The following FAM20B variants were observed in gnomAD, a reference collection of about 807,000 sequenced individuals.
FAM20B encodes the protein glycosaminoglycan xylosylkinase.
Under a neutral mutation model 43.8 loss-of-function variants are expected in FAM20B, and 23 were observed. That is an observed-to-expected ratio of 0.53 (90% CI 0.38 to 0.74). The LOEUF (loss-of-function observed/expected upper bound fraction) is 0.74, where lower values mean the gene tolerates loss of function less well. Ranked by LOEUF, FAM20B falls within the 30% of genes least tolerant of loss-of-function variation. FAM20B has a pLI of 0.00. For missense variants in FAM20B, 440 were observed against 510.5 expected (o/e 0.86, Z 1.33); for synonymous variants, 178 against 192.4 (o/e 0.93, Z 0.62).
intron 7 of FAM20B, among the ~76,000 whole-genome samples, chr1:179,070,809 G>A (rs1027758286): frequency 2.0e-5 from 3 of 151,416 alleles, no homozygotes; most frequent in Admixed American, 6.6e-5. Context: ...GTGAGCCACC[G>A]CTCCTGGCCT....
At chr1:179,062,659 AAAACAAAAAAC>A (rs992853318) in intron 4 of FAM20B, among the ~76,000 whole-genome samples, 5 of 152,014 alleles carry the variant, frequency 3.3e-5, no homozygotes, top group African/African-American at 1.2e-4. Flanking sequence ...CAAAAAAAGA[AAAACAAAAAAC>A]AAACAAAAAA....
rs1365674518 is a variant in FAM20B, at chr1:179,074,277, C to T, written c.*2133C>T. The T allele has an allele frequency of 6.6e-6, 1 of 152,634 alleles. No individual in the cohort carries two copies. The highest frequency in any genetic ancestry group is 2.1e-4 in the South Asian group (1 of 4,830). 9.5% of individuals were successfully genotyped at this position (152,634 alleles called of 1,614,324 possible). A position where few individuals can be genotyped will look rare whatever the true frequency, so the allele number is the denominator to read the frequency against. On this transcript the variant is annotated 3_prime_UTR_variant, in exon 8 of 8. Transcript: ENST00000263733. ...TGTTAACCAAAGGAGGCATTGATTT[C>T]AGTTTTAAGGCTACTCAGTGTTGTG...
Position 179,075,358 on chromosome 1 carries a change from C to T in FAM20B, c.*3214C>T, listed in dbSNP as rs1053939636. 50 of 152,252 alleles carry T rather than the reference C, an allele frequency of 3.3e-4. No individual in the cohort carries two copies. The highest frequency in any genetic ancestry group is 1.2e-3 in the African/African-American group (50 of 41,538). 9.4% of individuals were successfully genotyped at this position (152,252 alleles called of 1,614,324 possible). ...AGGTAGACGTGGAGACATTTTAATA[C>T]TACAAAACTAGGAAAATCAGAACTC... On this transcript the variant is annotated 3_prime_UTR_variant, in exon 8 of 8. Transcript: ENST00000263733.
At chr1:179,035,987 G>A (rs1022680491) in intron 1 of FAM20B, among the ~76,000 whole-genome samples, 4 of 152,040 alleles carry the variant, frequency 2.6e-5, no homozygotes, top group African/African-American at 4.8e-5. Flanking sequence ...AAAATTAGCC[G>A]GGTGTGATGG....
chr1:179,020,963 C>T (rs1271069211), upstream of FAM20B, among the ~76,000 whole-genome samples: 2 of 152,090 alleles, frequency 1.3e-5, no homozygotes, highest in Non-Finnish European at 2.9e-5. Flanking sequence ...CACAGCTACT[C>T]GGGAGGCTGA....
At chr1:179,049,656 T>C (rs779430966) in intron 2 of FAM20B, among the ~76,000 whole-genome samples, 11 of 152,192 alleles carry the variant, frequency 7.2e-5, no homozygotes, top group Non-Finnish European at 1.3e-4. Context: ...TTCTCCTGAC[T>C]CAGCCTCCTG....
At chr1:179,040,376 T>A (rs1408868620) in intron 1 of FAM20B, among the ~76,000 whole-genome samples, 1 of 135,690 alleles carries the variant, frequency 7.4e-6, no homozygotes, top group Non-Finnish European at 1.6e-5. Context: ...CCCCCCCACT[T>A]CCCTCCCGGA....
intron 7 of FAM20B, 111 bp from the exon 8 acceptor site, chr1:179,071,802 G>C: frequency 1.4e-6 from 1 of 740,542 alleles, no homozygotes. Flanking sequence ...AAATTATTTA[G>C]TTAAAGGATT....
chr1:179,063,901 G>T (rs759831091), intron 4 of FAM20B, 26 bp from the exon 5 acceptor site: 42 of 1,560,758 alleles, frequency 2.7e-5, no homozygotes, highest in Non-Finnish European at 3.1e-5. Flanking sequence ...TTCCTTAAGT[G>T]TATTTGGCTC....
At chr1:179,064,521 T>G in intron 6 of FAM20B, 25 bp downstream of exon 6, 1 of 1,578,664 alleles carries the variant, frequency 6.3e-7, no homozygotes, top group South Asian at 1.1e-5. Flanking sequence ...ACTGTCCTTG[T>G]CAGGGAGGGG....
At chr1:179,049,811 G>A (rs1488014469) in intron 2 of FAM20B, among the ~76,000 whole-genome samples, 2 of 152,162 alleles carry the variant, frequency 1.3e-5, no homozygotes, top group Non-Finnish European at 2.9e-5. Context: ...CAAAGTGCTG[G>A]GATTACAGGT....
At chr1:179,022,824 G>A (rs995451159), upstream of FAM20B, among the ~76,000 whole-genome samples, 1 of 152,116 alleles carries the variant, frequency 6.6e-6, no homozygotes, top group Non-Finnish European at 1.5e-5. Flanking sequence ...ACACCCCACC[G>A]CAAGACAGTT....
intron 4 of FAM20B, among the ~76,000 whole-genome samples, chr1:179,056,453 CTT>C (rs1651224241): frequency 6.6e-6 from 1 of 152,188 alleles, no homozygotes; most frequent in Non-Finnish European, 1.5e-5. Flanking sequence ...TCCTCCATGT[CTT>C]TTCATGCATG....
chr1:179,071,633 C>A (rs140226362), intron 7 of FAM20B, among the ~76,000 whole-genome samples: 1 of 152,242 alleles, frequency 6.6e-6, no homozygotes, highest in African/African-American at 2.4e-5. Flanking sequence ...ATTTCCCAGT[C>A]GTTAGACATT....
upstream of FAM20B, among the ~76,000 whole-genome samples, chr1:179,022,365 T>C (rs540827956): frequency 6.6e-6 from 1 of 152,308 alleles, no homozygotes; most frequent in South Asian, 2.1e-4. Context: ...AGGGCTCCTC[T>C]CGACTTGCTT....
chr1:179,041,888 TAAAC>T (rs1185148081), intron 1 of FAM20B, among the ~76,000 whole-genome samples: 2 of 152,184 alleles, frequency 1.3e-5, no homozygotes, highest in African/African-American at 4.8e-5. Context: ...AAATGAAAGT[TAAAC>T]AATTATGTAT....
chr1:179,022,277 T>C (rs1649616211), upstream of FAM20B, among the ~76,000 whole-genome samples: 5 of 152,218 alleles, frequency 3.3e-5, no homozygotes. Context: ...GAGAGATATG[T>C]GTGCTCCTTT....
chr1:179,033,779 G>A (rs530966271), intron 1 of FAM20B, among the ~76,000 whole-genome samples: 2 of 151,984 alleles, frequency 1.3e-5, no homozygotes, highest in African/African-American at 2.4e-5. Flanking sequence ...TGCAACCTCC[G>A]CCTCCTGGGT....
rs547559756 is a variant in FAM20B at position 179,050,368 on chromosome 1, G to A, written c.464+3G>A. ...GTAGCAGCCTTTCACTTGGACAGGT[G>A]CGTATGATCACAGCAGCTTATGTTC... On this transcript the variant is annotated splice_donor_region_variant and intron_variant, in intron 3 of 7. Coordinates refer to ENST00000263733, the MANE Select transcript of FAM20B (RefSeq NM_014864.4). The A allele has an allele frequency of 6.2e-7, 1 of 1,609,936 alleles. No homozygotes were observed. Among genetic ancestry groups the A allele is most frequent in the South Asian group, 1.1e-5 (1 of 91,006 alleles).
Sources: gnomAD v4.1 joint callset for allele counts (sites outside exome capture counted in the v4.1 genomes callset) on GRCh38, gnomAD v4.1.1 for gene constraint, MANE v1.5 for transcripts, NCBI Gene and HGNC (gene_info 2026-07-23, HGNC 2026-07-21) for gene names.